Variants in MOB4 observed in about 807,000 individuals in gnomAD.
The protein encoded by MOB4 is MOB family member 4, phocein, also known as MOB-like protein phocein.
MOB4 carries 4 observed loss-of-function variants against 32.2 expected under a neutral mutation model. That is an observed-to-expected ratio of 0.12 (90% CI 0.06 to 0.28). The LOEUF is 0.28. Ranked by LOEUF, MOB4 falls within the 10% of genes least tolerant of loss-of-function variation. MOB4 has a pLI of 1.00. For missense variants in MOB4, 158 were observed against 271.2 expected (o/e 0.58, Z 2.93); for synonymous variants, 88 against 88.1 (o/e 1.00, Z 0.01).
Position 197,551,048 on chromosome 2 carries a change from G to A in MOB4, c.*402G>A, listed in dbSNP as rs993066156. Reference sequence around the variant, plus strand: ...ATGTTTTCTATTGGTTTTACCTTGAGTTTAGATATCCTAAAAAATTCTGTA... The same window carrying A: ...ATGTTTTCTATTGGTTTTACCTTGAATTTAGATATCCTAAAAAATTCTGTA... On this transcript the variant is annotated 3_prime_UTR_variant, in exon 8 of 8. Transcript: ENST00000323303. 3 of 152,622 alleles carry A rather than the reference G, an allele frequency of 2.0e-5. No homozygotes were observed. Among genetic ancestry groups the A allele is most frequent in the African/African-American group, 7.2e-5 (3 of 41,450 alleles). 9.5% of individuals were successfully genotyped at this position (152,622 alleles called of 1,614,324 possible). A position where few individuals can be genotyped will look rare whatever the true frequency, so the allele number is the denominator to read the frequency against.
At chr2:197,541,642 G>A (rs2086896379) in intron 5 of MOB4, among the ~76,000 whole-genome samples, 3 of 152,196 alleles carry the variant, frequency 2.0e-5, no homozygotes, top group South Asian at 4.1e-4. Context: ...TCTGTCGGCC[G>A]GGCGCGGTGG....
chr2:197,550,428 T>C (rs1406481366), intron 7 of MOB4, 42 bp downstream of exon 7: 7 of 1,602,680 alleles, frequency 4.4e-6, no homozygotes, highest in East Asian at 2.2e-5. Flanking sequence ...TTCTTATCAG[T>C]GTAACAGTAA....
chr2:197,535,492 TATA>T, intron 2 of MOB4, 35 bp from the exon 3 acceptor site: 1 of 1,548,058 alleles, frequency 6.5e-7, no homozygotes, highest in Non-Finnish European at 8.7e-7. Flanking sequence ...TACCAGGTGA[TATA>T]ATTTAATTAA....
intron 5 of MOB4, among the ~76,000 whole-genome samples, chr2:197,547,466 G>A (rs2087017321): frequency 6.6e-6 from 1 of 152,096 alleles, no homozygotes; most frequent in Non-Finnish European, 1.5e-5. Flanking sequence ...ACTGTTTTTG[G>A]CAAGGAGTCC....
At chr2:197,541,153 A>T (rs1220000411) in intron 5 of MOB4, among the ~76,000 whole-genome samples, 1 of 151,966 alleles carries the variant, frequency 6.6e-6, no homozygotes, top group Non-Finnish European at 1.5e-5. Context: ...TGCCCACCTC[A>T]GTCTCCCAAA....
Position 197,550,656 on chromosome 2 carries a change from T to C in MOB4, c.*10T>C, listed in dbSNP as rs1167810031. The C allele has an allele frequency of 2.7e-5, 42 of 1,583,474 alleles. No individual in the cohort carries two copies. Among genetic ancestry groups the C allele is most frequent in the Non-Finnish European group, 3.0e-5 (35 of 1,170,486 alleles). On this transcript the variant is annotated 3_prime_UTR_variant, in exon 8 of 8. Coordinates refer to ENST00000323303, the MANE Select transcript of MOB4 (RefSeq NM_015387.5). ...GGAAAGTGAAGCATGAAGGGAATCA[T>C]AGGAAAAATGTACTGATCATATAAT...
At chr2:197,530,715 C>T (rs778001485) in intron 2 of MOB4, among the ~76,000 whole-genome samples, 1 of 152,090 alleles carries the variant, frequency 6.6e-6, no homozygotes, top group Non-Finnish European at 1.5e-5. Flanking sequence ...ATCCTTCCAA[C>T]TCAGCCTCTC....
intron 2 of MOB4, among the ~76,000 whole-genome samples, chr2:197,532,949 A>G (rs1415206125): frequency 2.0e-5 from 3 of 151,922 alleles, no homozygotes; most frequent in Non-Finnish European, 4.4e-5. Context: ...AAATACAGAA[A>G]TTAGCTGGGC....
chr2:197,542,068 G>A (rs1451565194), intron 5 of MOB4, among the ~76,000 whole-genome samples: 1 of 152,266 alleles, frequency 6.6e-6, no homozygotes, highest in Non-Finnish European at 1.5e-5. Context: ...GAATCAAGAA[G>A]GCTGAATCAA....
At chr2:197,524,004 C>T (rs1436980130) in intron 2 of MOB4, among the ~76,000 whole-genome samples, 2 of 152,194 alleles carry the variant, frequency 1.3e-5, no homozygotes, top group Non-Finnish European at 2.9e-5. Context: ...GCTGCCAGCA[C>T]TTTGGGAGGC....
chr2:197,541,868 G>A (rs991972568), intron 5 of MOB4, among the ~76,000 whole-genome samples: 3 of 151,744 alleles, frequency 2.0e-5, no homozygotes, highest in South Asian at 2.1e-4. Flanking sequence ...GCAGTGAGCC[G>A]AGATCCCGCC....
At chr2:197,537,503 T>C (rs1415318986) in intron 3 of MOB4, among the ~76,000 whole-genome samples, 1 of 152,252 alleles carries the variant, frequency 6.6e-6, no homozygotes, top group Non-Finnish European at 1.5e-5. Flanking sequence ...TATTTACTTT[T>C]TGATGCTGCA....
At chr2:197,525,369 G>A (rs961083986) in intron 2 of MOB4, among the ~76,000 whole-genome samples, 3 of 151,456 alleles carry the variant, frequency 2.0e-5, no homozygotes, top group Non-Finnish European at 4.4e-5. Flanking sequence ...AAAGTAGACA[G>A]CTATTCGGAT....
intron 2 of MOB4, chr2:197,533,768 C>A: frequency 2.2e-6 from 1 of 459,410 alleles, no homozygotes; most frequent in Non-Finnish European, 4.2e-6. Context: ...CTTTCCCTGT[C>A]ATCATGGTGT....
rs60502106 is a variant in MOB4 at position 197,516,572 on chromosome 2, C to T, written c.60+426C>T. 4,392 of 488,488 alleles carry T rather than the reference C, an allele frequency of 9.0e-3. 155 individuals carry two copies. Among genetic ancestry groups the T allele is most frequent in the African/African-American group, 0.08 (4,069 of 50,622 alleles). The allele number at this position is 488,488 out of a possible 1,614,324, so 30.3% of individuals were successfully genotyped here. On this transcript the variant is annotated intron_variant, in intron 1 of 7. Coordinates refer to ENST00000323303, the MANE Select transcript of MOB4 (RefSeq NM_015387.5). Reference sequence around the variant, plus strand: ...GGGTGTAAACACAGCCTACCTCGACCCGGCGTCCAGTTCCTACCTGGCCTG... The same window carrying T: ...GGGTGTAAACACAGCCTACCTCGACTCGGCGTCCAGTTCCTACCTGGCCTG...
In MOB4 at chr2:197,521,757, G is replaced by A. The variant is rs543794899; in HGVS notation, c.61-1867G>A. On this transcript the variant is annotated intron_variant, in intron 1 of 7. Transcript: ENST00000323303. ...AGAGAAATATGGCTCTGTTCCGCCC[G>A]GCTCACCAGTGGTCAGAGTTTAAGG... 5.3e-4 allele frequency among the ~76,000 whole-genome samples: 81 copies of A among 152,272 alleles called. 2 individuals carry two copies. In the South Asian group the frequency reaches 8.3e-3, roughly 16 times the overall value.
chr2:197,552,934 A>C lies in MOB4; in HGVS notation c.*2288A>C. 6.6e-6 allele frequency: 1 copy of C among 152,220 alleles called. No individual in the cohort carries two copies. The highest frequency in any genetic ancestry group is 1.9e-4 in the East Asian group (1 of 5,206). 9.4% of individuals were successfully genotyped at this position (152,220 alleles called of 1,614,324 possible). A position where few individuals can be genotyped will look rare whatever the true frequency, so the allele number is the denominator to read the frequency against. On this transcript the variant is annotated 3_prime_UTR_variant, in exon 8 of 8. Transcript: ENST00000323303. ...AAGGTAAACTTAGGCTTTTCTTTCC[A>C]AAAGATCGTATAGTCAATTCATTCT...
At chr2:197,516,191 A>C (rs781740533) in intron 1 of MOB4, 45 bp downstream of exon 1, 10 of 1,561,476 alleles carry the variant, frequency 6.4e-6, no homozygotes, top group Non-Finnish European at 8.7e-6. Flanking sequence ...GGTGCCGAGC[A>C]GTGCTGCGCC....
intron 1 of MOB4, among the ~76,000 whole-genome samples, chr2:197,523,313 G>T (rs1240821546): frequency 2.0e-5 from 3 of 152,170 alleles, no homozygotes; most frequent in African/African-American, 2.4e-5. Context: ...GCCAGGCGCA[G>T]TGGGTCAGGA....
Sources: allele counts gnomAD v4.1 joint callset (sites outside exome capture counted in the v4.1 genomes callset), GRCh38; gene constraint gnomAD v4.1.1; transcripts MANE v1.5; gene names NCBI Gene and HGNC (gene_info 2026-07-23, HGNC 2026-07-21).